The following SMAD9 variants were observed in gnomAD, a reference collection of about 807,000 sequenced individuals.
SMAD9 encodes the protein MAD homolog 9.
SMAD9 carries 36 observed loss-of-function variants against 46.1 expected under a neutral mutation model. That is an observed-to-expected ratio of 0.78 (90% CI 0.60 to 1.03). The LOEUF (loss-of-function observed/expected upper bound fraction) is 1.03, where lower values mean the gene tolerates loss of function less well. Ranked by LOEUF, SMAD9 falls within the 50% of genes least tolerant of loss-of-function variation. The pLI, the probability that SMAD9 is intolerant of heterozygous loss-of-function variation, is 0.00. For synonymous variants in SMAD9, 245 were observed against 237.1 expected (o/e 1.03, Z -0.31); for missense variants, 572 against 599.8 (o/e 0.95, Z 0.48).
chr13:36,920,801 T>A (rs1482459131), upstream of SMAD9: 1 of 152,324 alleles, frequency 6.6e-6, no homozygotes, highest in Non-Finnish European at 1.5e-5. Flanking sequence ...TGTTCCTGAT[T>A]TGCTTTTCGG....
chr13:36,879,190 C>T (rs2058376298), intron 2 of SMAD9, 88 bp downstream of exon 2: 2 of 1,173,170 alleles, frequency 1.7e-6, no homozygotes, highest in Non-Finnish European at 2.5e-6. Context: ...GGAGAGGTCC[C>T]TGTCTGCTGG....
At chr13:36,917,974 C>T (rs1383216109) in intron 1 of SMAD9, among the ~76,000 whole-genome samples, 1 of 137,698 alleles carries the variant, frequency 7.3e-6, no homozygotes, top group Non-Finnish European at 1.7e-5. Flanking sequence ...TTCCCTCCAA[C>T]TGACCACATG....
chr13:36,893,600 TAA>T (rs1340511926), intron 1 of SMAD9, among the ~76,000 whole-genome samples: 1 of 151,426 alleles, frequency 6.6e-6, no homozygotes, highest in South Asian at 2.1e-4. Context: ...CATATAGTAA[TAA>T]AAACATATTA....
intron 1 of SMAD9, among the ~76,000 whole-genome samples, chr13:36,911,684 C>CTG (rs2058663194): frequency 6.7e-6 from 1 of 148,730 alleles, no homozygotes; most frequent in Non-Finnish European, 1.5e-5. Flanking sequence ...TTATGAACTG[C>CTG]TGTTCGGGGA....
chr13:36,870,792 A>G (rs966679173), intron 3 of SMAD9, among the ~76,000 whole-genome samples: 4 of 152,204 alleles, frequency 2.6e-5, no homozygotes, highest in Admixed American at 6.5e-5. Context: ...TAATAAAGTA[A>G]AACAACTAGA....
At chr13:36,848,904 A>T in intron 6 of SMAD9, 85 bp from the exon 7 acceptor site, 1 of 1,361,022 alleles carries the variant, frequency 7.3e-7, no homozygotes, top group Non-Finnish European at 1.0e-6. Flanking sequence ...CGGGGCACAG[A>T]GCCCACACCC....
chr13:36,896,077 A>G (rs948319393), intron 1 of SMAD9, among the ~76,000 whole-genome samples: 6 of 151,642 alleles, frequency 4.0e-5, no homozygotes, highest in African/African-American at 1.5e-4. Flanking sequence ...CTTTCATTCT[A>G]CTCCCACCCA....
intron 2 of SMAD9, among the ~76,000 whole-genome samples, chr13:36,876,348 A>C (rs2058345343): frequency 6.6e-6 from 1 of 152,220 alleles, no homozygotes; most frequent in South Asian, 2.1e-4. Flanking sequence ...AAATGGAGTA[A>C]AATCATCATG....
intron 5 of SMAD9, among the ~76,000 whole-genome samples, chr13:36,863,762 TAC>T (rs968208193): frequency 3.3e-5 from 5 of 152,146 alleles, no homozygotes; most frequent in African/African-American, 1.2e-4. Context: ...TCCTTTGCCT[TAC>T]ACAGTGATTT....
intron 1 of SMAD9, among the ~76,000 whole-genome samples, chr13:36,905,573 T>G (rs899032450): frequency 6.6e-6 from 1 of 151,634 alleles, no homozygotes; most frequent in African/African-American, 2.4e-5. Context: ...CTGGGCAACA[T>G]AGCCAAACCC....
intron 2 of SMAD9, among the ~76,000 whole-genome samples, chr13:36,877,186 ACC>A (rs2058353099): frequency 6.6e-6 from 1 of 151,960 alleles, no homozygotes; most frequent in Non-Finnish European, 1.5e-5. Flanking sequence ...ACATGGTGAA[ACC>A]CCGTCTCTAC....
chr13:36,893,634 C>G (rs1324148506), intron 1 of SMAD9, among the ~76,000 whole-genome samples: 1 of 151,398 alleles, frequency 6.6e-6, no homozygotes, highest in Admixed American at 6.6e-5. Context: ...AAAGATTAAT[C>G]TTAGAAATAT....
At position 36,865,719 on chromosome 13, in the gene SMAD9, C is replaced by A. The variant is rs1284969627; in HGVS notation, c.821G>T (p.Cys274Phe). Residue 274 changes from cysteine to phenylalanine, a missense_variant, in exon 5 of 7, where the codon TGC becomes TTC. Physicochemically the swap from Cys to Phe is radical, Grantham distance 205. Transcript: ENST00000379826. Reference sequence around the variant, plus strand: ...GTTCAGTTCATAGTAGGCGACCGAGCACCAGTGCTGGGGCTCCTCGTAACA... The same window carrying A: ...GTTCAGTTCATAGTAGGCGACCGAGAACCAGTGCTGGGGCTCCTCGTAACA... ...PVCYEEPQHW[C>F]SVAYYELNNR... is the part of the protein sequence containing the mutation. The A allele has an allele frequency of 6.2e-7, 1 of 1,614,166 alleles. No homozygotes were observed. The highest frequency in any genetic ancestry group is 1.7e-5 in the Admixed American group (1 of 60,024).
At chr13:36,888,757 A>T (rs1305697150) in intron 1 of SMAD9, among the ~76,000 whole-genome samples, 5 of 152,198 alleles carry the variant, frequency 3.3e-5, no homozygotes, top group Non-Finnish European at 5.9e-5. Flanking sequence ...GAAGTGAGGA[A>T]GTGGGGAGAC....
At chr13:36,866,699 A>G (rs2058238008) in intron 4 of SMAD9, among the ~76,000 whole-genome samples, 1 of 152,202 alleles carries the variant, frequency 6.6e-6, no homozygotes, top group Non-Finnish European at 1.5e-5. Flanking sequence ...TCTACTCAAG[A>G]TCTGGCTCAT....
chr13:36,905,743 C>A lies in SMAD9; in HGVS notation c.-187+14373G>T, dbSNP rs144109880. On this transcript the variant is annotated intron_variant, in intron 1 of 6. Coordinates refer to ENST00000379826, the MANE Select transcript of SMAD9 (RefSeq NM_001127217.3). Reference sequence around the variant, plus strand: ...TGAGCCGAGATTGTACAACTGCACTCCAGCCTAGATAAAAGGGCAAGACCC... The same window carrying A: ...TGAGCCGAGATTGTACAACTGCACTACAGCCTAGATAAAAGGGCAAGACCC... 5.8e-3 allele frequency among the ~76,000 whole-genome samples: 691 copies of A among 118,314 alleles called. 4 individuals carry two copies. Among genetic ancestry groups the A allele is most frequent in the African/African-American group, 0.022 (662 of 30,292 alleles). The allele number at this position is 118,314 out of a possible 152,430, so 77.6% of individuals were successfully genotyped here.
chr13:36,885,940 T>C (rs913251495), intron 1 of SMAD9, among the ~76,000 whole-genome samples: 6 of 151,628 alleles, frequency 4.0e-5, no homozygotes, highest in African/African-American at 1.5e-4. Context: ...CTGTAGAGAG[T>C]AGCTGACTGT....
At position 36,848,718 on chromosome 13, in the gene SMAD9, A is replaced by G; in HGVS notation, c.1362T>C (p.Thr454=). 1 of 1,614,116 alleles carries G rather than the reference A, an allele frequency of 6.2e-7. No homozygotes were observed. Among genetic ancestry groups the G allele is most frequent in the Non-Finnish European group, 8.5e-7 (1 of 1,179,974 alleles). The change falls in exon 7 of 7, where the codon ACT becomes ACC. Residue 454 remains threonine (T), a synonymous_variant. Coordinates refer to ENST00000379826, the MANE Select transcript of SMAD9 (RefSeq NM_001127217.3). The part of the protein sequence containing the change: ...GPLQWLDKVL[T]QMGSPHNPIS... ...TGGGGTTATGTGGAGAGCCCATCTG[A>G]GTCAGAACTTTGTCCAGCCACTGCA...
At chr13:36,913,303 G>C (rs1189702239) in intron 1 of SMAD9, among the ~76,000 whole-genome samples, 1 of 152,134 alleles carries the variant, frequency 6.6e-6, no homozygotes, top group African/African-American at 2.4e-5. Flanking sequence ...AAATCCTGGA[G>C]ACTAGGATTT....
Sources: allele counts gnomAD v4.1 joint callset (sites outside exome capture counted in the v4.1 genomes callset), GRCh38; gene constraint gnomAD v4.1.1; transcripts MANE v1.5; gene names NCBI Gene and HGNC (gene_info 2026-07-23, HGNC 2026-07-21).